LRRC8C: variants seen among roughly 807,000 people sequenced by gnomAD.
The protein encoded by LRRC8C is volume-regulated anion channel subunit LRRC8C.
Under a neutral mutation model 55.3 loss-of-function variants are expected in LRRC8C, and 20 were observed. That is an observed-to-expected ratio of 0.36 (90% confidence interval 0.25 to 0.53). The LOEUF is 0.53. Among genes scored for constraint, LRRC8C ranks in the 20% least tolerant of loss-of-function variants. The probability of loss-of-function intolerance (pLI) is 0.92; values close to 1 mark genes in which losing one functional copy is unlikely to be tolerated. For synonymous variants in LRRC8C, 376 were observed against 360.7 expected, an observed-to-expected ratio of 1.04 and a Z score of -0.48; for missense variants, 659 against 951.4, an observed-to-expected ratio of 0.69 and a Z score of 4.04.
rs181234511 is a variant in LRRC8C, at chr1:89,716,495, C to A, written c.*1513C>A. Reference sequence around the variant, plus strand: ...TGCTTAGCAATAATTTTTGCCTGACCATCAGCAGAGCTTTTATTTACCTTT... The same window carrying A: ...TGCTTAGCAATAATTTTTGCCTGACAATCAGCAGAGCTTTTATTTACCTTT... On this transcript the variant is annotated 3_prime_UTR_variant, in exon 3 of 3. Coordinates refer to ENST00000370454, the MANE Select transcript of LRRC8C (RefSeq NM_032270.5). The A allele has an allele frequency of 6.6e-6, 1 of 152,146 alleles. No homozygotes were observed. The highest frequency in any genetic ancestry group is 1.5e-5 in the Non-Finnish European group (1 of 68,022). 9.4% of individuals were successfully genotyped at this position (152,146 alleles called of 1,614,324 possible). A position where few individuals can be genotyped will look rare whatever the true frequency, so the allele number is the denominator to read the frequency against.
At chr1:89,654,211 A>G (rs1442443481) in intron 1 of LRRC8C, among the ~76,000 whole-genome samples, 1 of 152,212 alleles carries the variant, frequency 6.6e-6, no homozygotes, top group Non-Finnish European at 1.5e-5. Context: ...TAGGAGCTAA[A>G]TAATGTGAAC....
At chr1:89,622,679 A>C in the LRRC8C span, among the ~76,000 whole-genome samples, 1 of 152,150 alleles carries the variant, frequency 6.6e-6, no homozygotes, top group South Asian at 2.1e-4. Context: ...GTAAATCCTC[A>C]GCAAATGTTA....
chr1:89,670,373 G>A lies in LRRC8C; in HGVS notation c.-4-16097G>A, dbSNP rs1282257392. Among the ~76,000 whole-genome samples the A allele has an allele frequency of 5.3e-5, 8 of 152,010 alleles. No individual in the cohort carries two copies. The East Asian group carries it at 7.7e-4, about 15-fold the overall frequency. On this transcript the variant is annotated intron_variant, in intron 1 of 2. Transcript: ENST00000370454. ...ACCCAAATAATTTCATTTTCTCTTC[G>A]AAGTTGATGCCCTTAGCCTGTTATA...
chr1:89,685,692 G>A (rs1022984137), intron 1 of LRRC8C, among the ~76,000 whole-genome samples: 6 of 152,100 alleles, frequency 3.9e-5, no homozygotes, highest in Non-Finnish European at 5.9e-5. Context: ...TCCCAGAGCC[G>A]TGGGTGCACC....
chr1:89,648,438 A>G (rs1411449930), intron 1 of LRRC8C, among the ~76,000 whole-genome samples: 1 of 152,242 alleles, frequency 6.6e-6, no homozygotes, highest in Admixed American at 6.5e-5. Context: ...TTAAATTTTT[A>G]GTATAAATAA....
Position 89,713,390 on chromosome 1 carries a change from C to T in LRRC8C, c.820C>T (p.Leu274=), listed in dbSNP as rs753344942. 7.1e-5 allele frequency: 114 copies of T among 1,614,086 alleles called. No individual in the cohort carries two copies. In the Admixed American group the frequency reaches 1.9e-3, roughly 27 times the overall value. ...RQTVLKVIKF[L]IIIAYNSALV... ...GACTGTACTTAAAGTTATCAAATTC[C>T]TAATCATCATTGCATATAATAGTGC... The change falls in exon 3 of 3, where the codon CTA becomes TTA. Residue 274 remains leucine (L), a synonymous_variant. Transcript: ENST00000370454. This position sits in a 1 kb window ranked among gnomAD's most constrained non-coding sequence, Gnocchi z 5.2.
intron 1 of LRRC8C, 88 bp from the exon 2 acceptor site, chr1:89,686,382 C>G: frequency 1.5e-6 from 2 of 1,365,540 alleles, no homozygotes; most frequent in Non-Finnish European, 2.0e-6. Context: ...CAGACCTCTG[C>G]TGTGAGGAGT....
intron 1 of LRRC8C, among the ~76,000 whole-genome samples, chr1:89,673,300 C>T (rs1657471234): frequency 6.6e-6 from 1 of 152,144 alleles, no homozygotes; most frequent in South Asian, 2.1e-4. Context: ...TGAGAAAAAT[C>T]AGTTCTGAAA....
intron 1 of LRRC8C, among the ~76,000 whole-genome samples, chr1:89,679,503 A>T (rs1657641042): frequency 6.6e-6 from 1 of 152,160 alleles, no homozygotes; most frequent in African/African-American, 2.4e-5. Flanking sequence ...ACAGTGAGCC[A>T]AGATCACGCC....
At chr1:89,648,203 G>C (rs1656666174) in intron 1 of LRRC8C, among the ~76,000 whole-genome samples, 1 of 152,156 alleles carries the variant, frequency 6.6e-6, no homozygotes, top group Admixed American at 6.5e-5. Flanking sequence ...TTTTGCCAAA[G>C]ATTATTCATT....
intron 1 of LRRC8C, among the ~76,000 whole-genome samples, chr1:89,672,782 A>ATATT (rs147921862): frequency 0.088 from 12,983 of 147,562 alleles, 619 homozygotes; most frequent in East Asian, 0.14. Flanking sequence ...CGTTGACTGG[A>ATATT]TATTTATTTA....
In LRRC8C at chr1:89,715,805, G is replaced by A. The variant is rs1658803270; in HGVS notation, c.*823G>A. Reference sequence around the variant, plus strand: ...TTAAATTTTAAAATGATAGAAGCCTGGTTTTTGAGTAATTTAATCATCTTT... The same window carrying A: ...TTAAATTTTAAAATGATAGAAGCCTAGTTTTTGAGTAATTTAATCATCTTT... On this transcript the variant is annotated 3_prime_UTR_variant, in exon 3 of 3. Coordinates refer to ENST00000370454, the MANE Select transcript of LRRC8C (RefSeq NM_032270.5). 1.3e-5 allele frequency: 2 copies of A among 152,112 alleles called. No homozygotes were observed. The highest frequency in any genetic ancestry group is 1.3e-4 in the Admixed American group (2 of 15,266). 9.4% of individuals were successfully genotyped at this position (152,112 alleles called of 1,614,324 possible).
In LRRC8C at chr1:89,662,191, G is replaced by A. The variant is rs146274160; in HGVS notation, c.-4-24279G>A. Among the ~76,000 whole-genome samples the A allele has an allele frequency of 8.0e-4, 122 of 152,338 alleles. 1 individual carries two copies. The highest frequency in any genetic ancestry group is 2.8e-3 in the African/African-American group (116 of 41,580). On this transcript the variant is annotated intron_variant, in intron 1 of 2. Coordinates refer to ENST00000370454, the MANE Select transcript of LRRC8C (RefSeq NM_032270.5). ...CAAAATCTCATAATGTTTTAGGAAAGGAAAGCTTGCAAATTTCTGTTGGGT... is the reference window on the plus strand; with the variant it reads ...CAAAATCTCATAATGTTTTAGGAAAAGAAAGCTTGCAAATTTCTGTTGGGT...
intron 2 of LRRC8C, among the ~76,000 whole-genome samples, chr1:89,711,797 C>T (rs549113606): frequency 6.6e-6 from 1 of 152,216 alleles, no homozygotes; most frequent in African/African-American, 2.4e-5. Context: ...GTAACGCTAG[C>T]AAATCTAAAC....
chr1:89,693,368 T>C (rs1658076271), intron 2 of LRRC8C, among the ~76,000 whole-genome samples: 1 of 152,190 alleles, frequency 6.6e-6, no homozygotes, highest in Non-Finnish European at 1.5e-5. Context: ...ATCAGAATTA[T>C]AGATTCCAGA....
chr1:89,642,143 A>G (rs1226084823), intron 1 of LRRC8C, among the ~76,000 whole-genome samples: 2 of 152,202 alleles, frequency 1.3e-5, no homozygotes, highest in Non-Finnish European at 2.9e-5. Flanking sequence ...TATCTCCATC[A>G]GATTTTGCCT....
At chr1:89,643,086 CT>C (rs1656513609) in intron 1 of LRRC8C, among the ~76,000 whole-genome samples, 1 of 150,208 alleles carries the variant, frequency 6.7e-6, no homozygotes, top group Non-Finnish European at 1.5e-5. Context: ...ATATTCTATT[CT>C]TTTTTGTTGT....
intron 1 of LRRC8C, chr1:89,676,324 T>A (rs1047613923): frequency 6.6e-6 from 1 of 152,236 alleles, no homozygotes; most frequent in Non-Finnish European, 1.5e-5. Context: ...ACATCCTGTT[T>A]AGCAGTAGTG....
intron 1 of LRRC8C, among the ~76,000 whole-genome samples, chr1:89,668,859 T>C (rs1048742672): frequency 3.9e-5 from 6 of 152,224 alleles, no homozygotes; most frequent in African/African-American, 1.4e-4. Flanking sequence ...ACATTATATG[T>C]CAATTATATA....
Sources: gnomAD v4.1 joint callset for allele counts (sites outside exome capture counted in the v4.1 genomes callset) on GRCh38, gnomAD v4.1.1 for gene constraint, Gnocchi (gnomAD v3.1) non-coding constraint, MANE v1.5 for transcripts, NCBI Gene and HGNC (gene_info 2026-07-23, HGNC 2026-07-21) for gene names.